The following TENM4 variants were observed in gnomAD, a reference collection of about 807,000 sequenced individuals.
TENM4 encodes the protein teneurin-4.
TENM4 carries 82 observed loss-of-function variants against 243.3 expected under a neutral mutation model. That is an observed-to-expected ratio of 0.34 (90% CI 0.28 to 0.40). TENM4 has a LOEUF of 0.40. Ranked by LOEUF, TENM4 falls within the 10% of genes least tolerant of loss-of-function variation. TENM4 has a pLI of 1.00. For missense variants in TENM4, 3,138 were observed against 3,673.3 expected, an observed-to-expected ratio of 0.85 and a Z score of 3.77; for synonymous variants, 1,412 against 1,456.3, an observed-to-expected ratio of 0.97 and a Z score of 0.69.
chr11:79,220,635 C>A (rs1036562630), intron 2 of TENM4, among the ~76,000 whole-genome samples: 1 of 152,170 alleles, frequency 6.6e-6, no homozygotes, highest in African/African-American at 2.4e-5. Flanking sequence ...AGGAATGAAT[C>A]TTTAGAGAAA....
rs1440691416 is a variant in TENM4 at position 78,671,723 on chromosome 11, G to C, written c.5793+310C>G. On this transcript the variant is annotated intron_variant, in intron 31 of 33. Transcript: ENST00000278550. ...GGATTGTACCACATGCCCTAGACCT[G>C]GGAGCAGACCCTTGGCCTGGGTCTG... 3.9e-5 allele frequency among the ~76,000 whole-genome samples: 6 copies of C among 152,134 alleles called. No individual in the cohort carries two copies. The East Asian group carries it at 1.2e-3, about 29-fold the overall frequency.
chr11:79,016,233 T>A (rs1323469862), intron 6 of TENM4, among the ~76,000 whole-genome samples: 1 of 152,116 alleles, frequency 6.6e-6, no homozygotes, highest in East Asian at 1.9e-4. Context: ...AAACTGGGTA[T>A]CCCAGCAGCT....
intron 6 of TENM4, among the ~76,000 whole-genome samples, chr11:78,931,206 C>T (rs1000771288): frequency 1.3e-5 from 2 of 152,172 alleles, no homozygotes; most frequent in Non-Finnish European, 2.9e-5. Flanking sequence ...GCGCCCTGTC[C>T]ACGATTTCCC....
At chr11:79,166,931 T>C (rs1480802023) in intron 3 of TENM4, among the ~76,000 whole-genome samples, 1 of 152,202 alleles carries the variant, frequency 6.6e-6, no homozygotes, top group Non-Finnish European at 1.5e-5. Context: ...GAGTTCAGTA[T>C]GGCTAGAACA....
At chr11:79,339,915 G>T (rs1424515146) in intron 1 of TENM4, among the ~76,000 whole-genome samples, 1 of 152,234 alleles carries the variant, frequency 6.6e-6, no homozygotes, top group Non-Finnish European at 1.5e-5. Context: ...TGTGGGGTAG[G>T]CAGACCAGGC....
At chr11:78,996,130 AC>A (rs1291859383) in intron 6 of TENM4, among the ~76,000 whole-genome samples, 1 of 152,170 alleles carries the variant, frequency 6.6e-6, no homozygotes, top group Non-Finnish European at 1.5e-5. Context: ...ATTCTTTGTC[AC>A]TAACCTCATC....
intron 6 of TENM4, among the ~76,000 whole-genome samples, chr11:78,982,654 T>G (rs369137585): frequency 1.3e-5 from 2 of 152,152 alleles, no homozygotes; most frequent in South Asian, 4.1e-4. Flanking sequence ...TCCACCCAGC[T>G]GCAACATCCA....
chr11:78,840,195 G>A (rs1312896963), intron 12 of TENM4, among the ~76,000 whole-genome samples: 3 of 152,166 alleles, frequency 2.0e-5, no homozygotes, highest in Non-Finnish European at 4.4e-5. Context: ...ACAGGCCTGA[G>A]AAAACTCAAA....
At chr11:78,848,278 T>C (rs1306781555) in intron 12 of TENM4, among the ~76,000 whole-genome samples, 4 of 152,138 alleles carry the variant, frequency 2.6e-5, no homozygotes, top group Non-Finnish European at 5.9e-5. Context: ...TTTATTCCCT[T>C]GCTCAAAAGC....
Position 79,118,953 on chromosome 11 carries a change from C to CATTT in TENM4, c.-66+29753_-66+29756dup, listed in dbSNP as rs544945857. 9.0e-4 allele frequency among the ~76,000 whole-genome samples: 137 copies of CATTT among 152,260 alleles called. 1 individual carries two copies. Among genetic ancestry groups the CATTT allele is most frequent in the African/African-American group, 3.3e-3 (136 of 41,542 alleles). ...ACAATTGCTGGATCTATAGTAATTT[C>CATTT]ATTTTTAACTTTTTGAGGAATTGCC... On this transcript the variant is annotated intron_variant, in intron 4 of 33. Transcript: ENST00000278550.
intron 1 of TENM4, among the ~76,000 whole-genome samples, chr11:79,370,263 T>C (rs1441206125): frequency 6.6e-6 from 1 of 152,146 alleles, no homozygotes; most frequent in Non-Finnish European, 1.5e-5. Context: ...TACCATGACA[T>C]TATCATGACA....
At chr11:79,287,049 A>G (rs573337839) in intron 2 of TENM4, among the ~76,000 whole-genome samples, 3 of 152,354 alleles carry the variant, frequency 2.0e-5, no homozygotes, top group African/African-American at 7.2e-5. Context: ...CGTAGGAGAT[A>G]GAATTTTACA....
intron 3 of TENM4, among the ~76,000 whole-genome samples, chr11:79,154,079 C>T (rs1862558064): frequency 6.6e-6 from 1 of 152,052 alleles, no homozygotes; most frequent in East Asian, 1.9e-4. Flanking sequence ...AGAGCTTCCT[C>T]TTGCTGCTTG....
rs904296483 is a variant in TENM4 at position 79,134,795 on chromosome 11, T to A, written c.-66+13915A>T. Among the ~76,000 whole-genome samples, 14 of 152,102 alleles carry A rather than the reference T, an allele frequency of 9.2e-5. 1 individual carries two copies. The highest frequency in any genetic ancestry group is 1.8e-4 in the Non-Finnish European group (12 of 67,998). ...GCTGGGATAATTGGCTAGCGACATG[T>A]AGGAGAATGAAACTGGGTCCTCATC... On this transcript the variant is annotated intron_variant, in intron 4 of 33. Coordinates refer to ENST00000278550, the MANE Select transcript of TENM4 (RefSeq NM_001098816.3).
chr11:78,751,484 C>T (rs1856190158), intron 19 of TENM4, among the ~76,000 whole-genome samples: 2 of 152,216 alleles, frequency 1.3e-5, no homozygotes, highest in Middle Eastern at 3.4e-3. Context: ...TTCTCAAATT[C>T]CCTTCCTCAA....
At chr11:79,125,598 T>G (rs1203686264) in intron 4 of TENM4, among the ~76,000 whole-genome samples, 1 of 152,162 alleles carries the variant, frequency 6.6e-6, no homozygotes, top group Non-Finnish European at 1.5e-5. Context: ...AGCTGGGGAT[T>G]CTGAGTTTGT....
At position 79,148,790 on chromosome 11, in the gene TENM4, T is replaced by G. The variant is rs1862441516; in HGVS notation, c.-146A>C. 1 of 981,238 alleles carries G rather than the reference T, an allele frequency of 1.0e-6. No homozygotes were observed. Among genetic ancestry groups the G allele is most frequent in the African/African-American group, 1.8e-5 (1 of 56,960 alleles). The allele number at this position is 981,238 out of a possible 1,614,324, so 60.8% of individuals were successfully genotyped here. A position where few individuals can be genotyped will look rare whatever the true frequency, so the allele number is the denominator to read the frequency against. On this transcript the variant is annotated 5_prime_UTR_variant, in exon 4 of 34. It removes an upstream start codon present in the reference 5' UTR. Coordinates refer to ENST00000278550, the MANE Select transcript of TENM4 (RefSeq NM_001098816.3). ...AGTATGCAATTTTAATTTGGACACATGGTAATTTCAGTCTACCTGTTGAAA... is the reference window on the plus strand; with the variant it reads ...AGTATGCAATTTTAATTTGGACACAGGGTAATTTCAGTCTACCTGTTGAAA...
chr11:79,349,217 T>C (rs748412876), intron 1 of TENM4, among the ~76,000 whole-genome samples: 9 of 152,170 alleles, frequency 5.9e-5, no homozygotes, highest in Non-Finnish European at 1.3e-4. Flanking sequence ...GCAGCTCCTA[T>C]GTGAGGTTGC....
chr11:78,994,614 A>G (rs779801282), intron 6 of TENM4, among the ~76,000 whole-genome samples: 94 of 152,332 alleles, frequency 6.2e-4, no homozygotes, highest in Non-Finnish European at 1.0e-3. Context: ...CATTTTTACA[A>G]TCGCTTACGG....
Sources: gnomAD v4.1 joint callset for allele counts (sites outside exome capture counted in the v4.1 genomes callset) on GRCh38, gnomAD v4.1.1 for gene constraint, MANE v1.5 for transcripts, NCBI Gene and HGNC (gene_info 2026-07-23, HGNC 2026-07-21) for gene names.